ADARB1: variants seen among roughly 807,000 people sequenced by gnomAD.
The protein encoded by ADARB1 is double-stranded RNA-specific editase 1.
Under a neutral mutation model 52.4 loss-of-function variants are expected in ADARB1, and 10 were observed. The observed-to-expected ratio is 0.19, with a 90% CI of 0.12 to 0.32. ADARB1 has a LOEUF of 0.32. ADARB1 is among the 10% of genes least tolerant of loss of function. The pLI is 1.00. For synonymous variants in ADARB1, 349 were observed against 371.1 expected (o/e 0.94, Z 0.68); for missense variants, 643 against 922.3 (o/e 0.70, Z 3.92).
At chr21:45,111,270 G>A (rs368843409) in intron 1 of ADARB1, among the ~76,000 whole-genome samples, 69 of 152,274 alleles carry the variant, frequency 4.5e-4, no homozygotes, top group African/African-American at 1.6e-3. Context: ...TTGTTTGGGC[G>A]TGCCTGTTTG....
intron 9 of ADARB1, among the ~76,000 whole-genome samples, chr21:45,218,136 T>C (rs1203009845): frequency 6.6e-6 from 1 of 152,238 alleles, no homozygotes; most frequent in Non-Finnish European, 1.5e-5. Flanking sequence ...TCTTCAGATA[T>C]ATTTTCCGTT....
intron 1 of ADARB1, among the ~76,000 whole-genome samples, chr21:45,092,168 G>A (rs1035902327): frequency 1.3e-5 from 2 of 152,056 alleles, no homozygotes; most frequent in South Asian, 2.1e-4. Flanking sequence ...GGGTCACTTC[G>A]CTCCTGGGCC....
chr21:45,084,581 A>G (rs1050139404), intron 1 of ADARB1, among the ~76,000 whole-genome samples: 6 of 152,208 alleles, frequency 3.9e-5, no homozygotes, highest in African/African-American at 1.4e-4. Context: ...CTTGAATTAA[A>G]TTGAGCAGGG....
chr21:45,130,655 G>C (rs1917921239), intron 2 of ADARB1, among the ~76,000 whole-genome samples: 1 of 152,164 alleles, frequency 6.6e-6, no homozygotes, highest in Non-Finnish European at 1.5e-5. Flanking sequence ...CAGCCTCACT[G>C]CACTGTCTGG....
rs535457644 is a variant in ADARB1 at position 45,105,053 on chromosome 21, C to T, written c.-219-23349C>T. On this transcript the variant is annotated intron_variant, in intron 1 of 10. Transcript: ENST00000348831. ...TACTTCCCAGGTGATTTTTCTGTTA[C>T]GCTTAGCATGCATCGTTGCTGCTTC... 4.2e-4 allele frequency among the ~76,000 whole-genome samples: 63 copies of T among 151,788 alleles called. 1 individual carries two copies. Among genetic ancestry groups the T allele is most frequent in the African/African-American group, 1.2e-3 (48 of 41,326 alleles).
chr21:45,184,145 T>G (rs2092018541), intron 7 of ADARB1, among the ~76,000 whole-genome samples: 1 of 152,236 alleles, frequency 6.6e-6, no homozygotes, highest in Non-Finnish European at 1.5e-5. Flanking sequence ...TCATCCGTAT[T>G]CCTGTAACCC....
At chr21:45,103,661 A>G (rs181154700) in intron 1 of ADARB1, among the ~76,000 whole-genome samples, 24 of 152,150 alleles carry the variant, frequency 1.6e-4, no homozygotes, top group African/African-American at 4.8e-4. Flanking sequence ...CAGGTCATGG[A>G]CTGTTACTTG....
Position 45,176,605 on chromosome 21 carries a change from G to C in ADARB1, c.904G>C (p.Asp302His), listed in dbSNP as rs1436026270. 1.1e-5 allele frequency: 18 copies of C among 1,614,002 alleles called. No homozygotes were observed. Among genetic ancestry groups the C allele is most frequent in the Non-Finnish European group, 1.5e-5 (18 of 1,180,010 alleles). The change falls in exon 4 of 11, where the codon GAT (aspartate) becomes CAT (histidine). Residue 302 changes from aspartate to histidine, a missense_variant. Physicochemically the swap from Asp to His is moderately conservative, Grantham distance 81 (BLOSUM62 -1). Coordinates refer to ENST00000348831, the MANE Select transcript of ADARB1 (RefSeq NM_001112.4). This position sits in a 1 kb window ranked among gnomAD's most constrained non-coding sequence, Gnocchi z 5.8. ...ALAAIFNLHL[D>H]QTPSRQPIPS... The stretch of plus-strand genomic sequence containing the variant: ...GGCCGCCATTTTTAACTTGCACTTG[G>C]ATCAGACGCCATCTCGCCAGCCTAT...
chr21:45,111,008 A>G (rs2087508455), intron 1 of ADARB1, among the ~76,000 whole-genome samples: 1 of 152,176 alleles, frequency 6.6e-6, no homozygotes, highest in Admixed American at 6.5e-5. Flanking sequence ...GCTCATCAGC[A>G]GTGACTTGGA....
intron 1 of ADARB1, among the ~76,000 whole-genome samples, chr21:45,106,323 C>G (rs938957279): frequency 1.3e-5 from 2 of 152,032 alleles, no homozygotes; most frequent in African/African-American, 4.8e-5. Flanking sequence ...TCAACCTAGA[C>G]TCGTGTATTA....
intron 9 of ADARB1, among the ~76,000 whole-genome samples, chr21:45,210,982 G>T (rs2092757643): frequency 1.3e-5 from 2 of 152,246 alleles, no homozygotes; most frequent in African/African-American, 4.8e-5. Context: ...CACAGCTGGT[G>T]TTCTAAAACC....
At chr21:45,145,419 C>G (rs1480142689) in intron 2 of ADARB1, 7 of 152,250 alleles carry the variant, frequency 4.6e-5, no homozygotes, top group Non-Finnish European at 8.8e-5. Flanking sequence ...CCAGTGGGCC[C>G]TGGGCTGTAG....
chr21:45,162,618 A>G (rs898711664), intron 2 of ADARB1, among the ~76,000 whole-genome samples: 4 of 152,168 alleles, frequency 2.6e-5, no homozygotes, highest in African/African-American at 7.2e-5. Context: ...GCCACACCTG[A>G]CTAGGGACAT....
rs2093045739 is a variant in ADARB1, at chr21:45,225,433, A to G, written c.*3236A>G. 3 of 1,302,516 alleles carry G rather than the reference A, an allele frequency of 2.3e-6. No homozygotes were observed. Among genetic ancestry groups the G allele is most frequent in the Non-Finnish European group, 2.9e-6 (3 of 1,020,954 alleles). The allele number at this position is 1,302,516 out of a possible 1,614,324, so 80.7% of individuals were successfully genotyped here. A position where few individuals can be genotyped will look rare whatever the true frequency, so the allele number is the denominator to read the frequency against. ...TAAAATGTGCAAGCCAGTATCTCACAAGGCATGGATTTCTGTGGAATTTAT... is the reference window on the plus strand; with the variant it reads ...TAAAATGTGCAAGCCAGTATCTCACGAGGCATGGATTTCTGTGGAATTTAT... On this transcript the variant is annotated 3_prime_UTR_variant, in exon 11 of 11. Transcript: ENST00000348831.
rs1189326890 is a variant in ADARB1 at position 45,176,902 on chromosome 21, A to T, written c.963+238A>T. On this transcript the variant is annotated intron_variant, in intron 4 of 10. Coordinates refer to ENST00000348831, the MANE Select transcript of ADARB1 (RefSeq NM_001112.4). The surrounding 1 kb of genome is among the most constrained non-coding windows in gnomAD (Gnocchi z 5.8). ...GCAATGCAAGGCAGGGACACCTGAG[A>T]CCCCGTCCACCAGAGCAGTGTTTAC... 6.6e-6 allele frequency among the ~76,000 whole-genome samples: 1 copy of T among 151,800 alleles called. No individual in the cohort carries two copies. Among genetic ancestry groups the T allele is most frequent in the Non-Finnish European group, 1.5e-5 (1 of 67,958 alleles).
At chr21:45,133,930 C>G (rs563254735) in intron 2 of ADARB1, among the ~76,000 whole-genome samples, 24 of 115,914 alleles carry the variant, frequency 2.1e-4, no homozygotes, top group African/African-American at 7.9e-4. Context: ...GGTGTGTGCG[C>G]CCGACGGGGG....
intron 4 of ADARB1, among the ~76,000 whole-genome samples, 156 bp from the exon 5 acceptor site, chr21:45,180,172 CAT>C (rs2091875613): frequency 6.6e-6 from 1 of 152,220 alleles, no homozygotes; most frequent in Admixed American, 6.5e-5. Flanking sequence ...CTGGAAGAAA[CAT>C]ACACACATAC....
intron 1 of ADARB1, among the ~76,000 whole-genome samples, chr21:45,107,160 A>C (rs1429348667): frequency 6.6e-6 from 1 of 152,248 alleles, no homozygotes; most frequent in Non-Finnish European, 1.5e-5. Flanking sequence ...TTAGGAATAA[A>C]TGTAATGAGA....
At chr21:45,143,273 C>G (rs1323430104) in intron 2 of ADARB1, among the ~76,000 whole-genome samples, 1 of 152,202 alleles carries the variant, frequency 6.6e-6, no homozygotes, top group Non-Finnish European at 1.5e-5. Context: ...ACTCAGACCC[C>G]AAGTCCAGCA....
Sources: gnomAD v4.1 joint callset for allele counts (sites outside exome capture counted in the v4.1 genomes callset) on GRCh38, gnomAD v4.1.1 for gene constraint, Gnocchi (gnomAD v3.1) non-coding constraint, MANE v1.5 for transcripts, NCBI Gene and HGNC (gene_info 2026-07-23, HGNC 2026-07-21) for gene names.